SLC7A6: variants seen among roughly 807,000 people sequenced by gnomAD.
SLC7A6 encodes Y+L amino acid transporter 2.
Under a neutral mutation model 46.6 loss-of-function variants are expected in SLC7A6, and 29 were observed. The observed-to-expected ratio is 0.62, with a 90% CI of 0.46 to 0.85. SLC7A6 has a LOEUF of 0.85. Ranked by LOEUF, SLC7A6 falls within the 40% of genes least tolerant of loss-of-function variation. The pLI, the probability that SLC7A6 is intolerant of heterozygous loss-of-function variation, is 0.00. For missense variants in SLC7A6, 527 were observed against 647.6 expected (o/e 0.81, Z 2.02); for synonymous variants, 276 against 257.3 (o/e 1.07, Z -0.70).
intron 7 of SLC7A6, among the ~76,000 whole-genome samples, chr16:68,293,490 T>C (rs1235425648): frequency 6.6e-6 from 1 of 152,204 alleles, no homozygotes; most frequent in Non-Finnish European, 1.5e-5. Context: ...ACTTCTTTTC[T>C]AGCCTTTCCC....
intron 3 of SLC7A6, among the ~76,000 whole-genome samples, chr16:68,277,461 G>A (rs1257718961): frequency 6.6e-6 from 1 of 150,682 alleles, no homozygotes; most frequent in African/African-American, 2.4e-5. Flanking sequence ...GTAGGCGCCC[G>A]CCACCGTGCC....
chr16:68,290,370 C>T (rs757394161), intron 4 of SLC7A6, 26 bp from the exon 5 acceptor site: 4 of 1,613,394 alleles, frequency 2.5e-6, no homozygotes, highest in Non-Finnish European at 3.4e-6. Flanking sequence ...TCTCTCTGAA[C>T]CCCTCACCTG....
intron 3 of SLC7A6, among the ~76,000 whole-genome samples, chr16:68,281,050 AATGGAGT>A (rs1351266878): frequency 6.6e-6 from 1 of 152,092 alleles, no homozygotes; most frequent in East Asian, 1.9e-4. Context: ...GCTCCTTTTA[AATGGAGT>A]ATGGACTCCC....
rs1207868393 is a variant in SLC7A6, at chr16:68,265,643, C to G, written c.-165-950C>G. On this transcript the variant is annotated intron_variant, in intron 1 of 10. Transcript: ENST00000219343. ...CCACCTCTTTTTGGTGGCGGTGAGG[C>G]CTTTTGGGGACCTGCCCAGGCTGCC... is the stretch of plus-strand genomic sequence containing the variant. 3 of 152,086 alleles carry G rather than the reference C, an allele frequency of 2.0e-5. No homozygotes were observed. In the East Asian group the frequency reaches 5.8e-4, roughly 29 times the overall value. The allele number at this position is 152,086 out of a possible 1,614,324, so 9.4% of individuals were successfully genotyped here.
At chr16:68,295,042 A>T in intron 8 of SLC7A6, 1 of 393,912 alleles carries the variant, frequency 2.5e-6, no homozygotes, top group East Asian at 4.5e-5. Flanking sequence ...TTTTTTCTCG[A>T]ATGGCAGCCA....
At chr16:68,288,510 G>C (rs780183857) in intron 4 of SLC7A6, among the ~76,000 whole-genome samples, 1 of 152,142 alleles carries the variant, frequency 6.6e-6, no homozygotes, top group Non-Finnish European at 1.5e-5. Flanking sequence ...AGGTCTTGAG[G>C]TGTCTTTAGC....
intron 1 of SLC7A6, among the ~76,000 whole-genome samples, chr16:68,266,276 A>C (rs1281533512): frequency 6.6e-6 from 1 of 152,028 alleles, no homozygotes; most frequent in East Asian, 1.9e-4. Flanking sequence ...AAAAGAAAAA[A>C]AGTTATGTAA....
intron 3 of SLC7A6, among the ~76,000 whole-genome samples, chr16:68,278,183 T>C (rs1354428230): frequency 1.3e-5 from 2 of 151,722 alleles, no homozygotes; most frequent in African/African-American, 2.4e-5. Context: ...TCTTGATCTC[T>C]TGACCTCGTG....
intron 3 of SLC7A6, among the ~76,000 whole-genome samples, chr16:68,275,579 G>A (rs1372353969): frequency 1.9e-5 from 2 of 106,008 alleles, no homozygotes; most frequent in Non-Finnish European, 3.5e-5. Flanking sequence ...TGGGCAACAA[G>A]AGCAAAACTC....
chr16:68,274,452 G>A (rs1460491017), intron 2 of SLC7A6, among the ~76,000 whole-genome samples: 1 of 152,198 alleles, frequency 6.6e-6, no homozygotes, highest in Admixed American at 6.5e-5. Flanking sequence ...ACAGGTATTT[G>A]TCATCAGAAG....
chr16:68,270,524 G>A (rs2042607929), intron 2 of SLC7A6, among the ~76,000 whole-genome samples: 1 of 152,140 alleles, frequency 6.6e-6, no homozygotes, highest in African/African-American at 2.4e-5. Flanking sequence ...TATTTCTTCT[G>A]AGTAACCACT....
In SLC7A6 at chr16:68,296,455, CTGTT is replaced by C; in HGVS notation, c.1212_1215del (p.Val405LeufsTer19). 5.0e-6 allele frequency: 8 copies of C among 1,614,148 alleles called. No homozygotes were observed. Among genetic ancestry groups the C allele is most frequent in the Non-Finnish European group, 6.8e-6 (8 of 1,180,030 alleles). On this transcript the variant is annotated frameshift_variant, in exon 9 of 11. Transcript: ENST00000219343. LOFTEE classifies it high-confidence loss of function. The stretch of plus-strand genomic sequence containing the variant: ...AGCTACTGGTTCTTCGTGGGCCTGT[CTGTT>C]GTTGGACAGCTCTACCTCCGCTGGA...
intron 2 of SLC7A6, among the ~76,000 whole-genome samples, chr16:68,271,897 G>T (rs1390461530): frequency 6.6e-6 from 1 of 151,938 alleles, no homozygotes; most frequent in African/African-American, 2.4e-5. Context: ...CGCCTCCCAG[G>T]TTCAGGTGAT....
intron 7 of SLC7A6, chr16:68,292,541 T>G (rs2151230542): frequency 6.6e-6 from 1 of 152,346 alleles, no homozygotes; most frequent in East Asian, 1.9e-4. Flanking sequence ...AATTAATTTT[T>G]TTTAGAGATT....
At chr16:68,276,285 G>C (rs1418880346) in intron 3 of SLC7A6, among the ~76,000 whole-genome samples, 2 of 152,188 alleles carry the variant, frequency 1.3e-5, no homozygotes, top group Admixed American at 6.5e-5. Context: ...AAGGAGAAAA[G>C]ATTGCTGTGA....
At chr16:68,280,475 A>G (rs2042810111) in intron 3 of SLC7A6, among the ~76,000 whole-genome samples, 2 of 152,240 alleles carry the variant, frequency 1.3e-5, no homozygotes, top group African/African-American at 4.8e-5. Flanking sequence ...AGTTGCCAAC[A>G]TTTGAAAATC....
intron 4 of SLC7A6, among the ~76,000 whole-genome samples, chr16:68,288,428 C>T (rs2151226692): frequency 6.6e-6 from 1 of 152,284 alleles, no homozygotes; most frequent in Middle Eastern, 3.4e-3. Context: ...CTTTAGAAAG[C>T]TTTTCATTCC....
intron 3 of SLC7A6, among the ~76,000 whole-genome samples, chr16:68,278,519 C>G (rs922101822): frequency 5.4e-5 from 8 of 149,082 alleles, no homozygotes; most frequent in Admixed American, 3.4e-4. Context: ...TGACTCTTAA[C>G]GAGCATGCTG....
At chr16:68,290,844 A>C (rs1249476775) in intron 5 of SLC7A6, 1 of 483,470 alleles carries the variant, frequency 2.1e-6, no homozygotes, top group Non-Finnish European at 3.8e-6. Context: ...TGGTGCTGAC[A>C]CTACAGCCCG....
Sources: gnomAD v4.1 joint callset for allele counts (sites outside exome capture counted in the v4.1 genomes callset) on GRCh38, gnomAD v4.1.1 for gene constraint, MANE v1.5 for transcripts, NCBI Gene and HGNC (gene_info 2026-07-23, HGNC 2026-07-21) for gene names.